FBXL7: variants seen among roughly 807,000 people sequenced by gnomAD.
The protein encoded by FBXL7 is F-box/LRR-repeat protein 7.
Under a neutral mutation model 38.3 loss-of-function variants are expected in FBXL7, and 12 were observed. That is an observed-to-expected ratio of 0.31 (90% CI 0.20 to 0.51). The LOEUF (loss-of-function observed/expected upper bound fraction) is 0.51. Ranked by LOEUF, FBXL7 falls within the 20% of genes least tolerant of loss-of-function variation. The pLI is 0.98. For synonymous variants in FBXL7, 297 were observed against 300.9 expected (o/e 0.99, Z 0.13); for missense variants, 567 against 676.4 (o/e 0.84, Z 1.79).
intron 2 of FBXL7, among the ~76,000 whole-genome samples, chr5:15,722,576 CCTG>C (rs1221927400): frequency 1.3e-5 from 2 of 152,182 alleles, no homozygotes; most frequent in African/African-American, 4.8e-5. Context: ...CGGCTCATTT[CCTG>C]CTCATATGCA....
chr5:15,528,494 C>T (rs1178387112), intron 1 of FBXL7, among the ~76,000 whole-genome samples: 1 of 152,146 alleles, frequency 6.6e-6, no homozygotes, highest in Non-Finnish European at 1.5e-5. Flanking sequence ...CTGAGGTGGC[C>T]TCACAATCAT....
intron 2 of FBXL7, among the ~76,000 whole-genome samples, chr5:15,882,848 T>C (rs1280131775): frequency 6.6e-6 from 1 of 152,196 alleles, no homozygotes; most frequent in Non-Finnish European, 1.5e-5. Flanking sequence ...ATAGTTCTTT[T>C]AAGGCCTAAT....
chr5:15,912,844 G>T (rs1001011747), intron 2 of FBXL7, among the ~76,000 whole-genome samples: 2 of 152,088 alleles, frequency 1.3e-5, no homozygotes, highest in Non-Finnish European at 2.9e-5. Context: ...GGGCTCTGGG[G>T]TCTTTAAAGA....
At position 15,593,338 on chromosome 5, in the gene FBXL7, A is replaced by G. The variant is rs567398572; in HGVS notation, c.38-22645A>G. ...CAGGAGTTCAAGACCTGCCTGGCCA[A>G]CATTGTGAGACTCCAGCTCTACTAA... On this transcript the variant is annotated intron_variant, in intron 1 of 3. Transcript: ENST00000504595. Among the ~76,000 whole-genome samples the G allele has an allele frequency of 3.8e-4, 58 of 152,128 alleles. 1 individual carries two copies. The highest frequency in any genetic ancestry group is 1.0e-3 in the South Asian group (5 of 4,830).
intron 2 of FBXL7, among the ~76,000 whole-genome samples, chr5:15,654,734 C>T (rs1400337037): frequency 6.6e-6 from 1 of 152,138 alleles, no homozygotes; most frequent in African/African-American, 2.4e-5. Flanking sequence ...TATTGTCCAA[C>T]ATTTTTGGTG....
At chr5:15,839,117 T>A (rs1305600823) in intron 2 of FBXL7, among the ~76,000 whole-genome samples, 1 of 151,778 alleles carries the variant, frequency 6.6e-6, no homozygotes, top group East Asian at 1.9e-4. Flanking sequence ...TTTGTAGGAA[T>A]CCTACTGTTA....
At chr5:15,726,898 T>G (rs1350577099) in intron 2 of FBXL7, among the ~76,000 whole-genome samples, 3 of 152,248 alleles carry the variant, frequency 2.0e-5, no homozygotes, top group Non-Finnish European at 4.4e-5. Flanking sequence ...GCTTTTTTTT[T>G]GTACTCCATT....
intron 1 of FBXL7, among the ~76,000 whole-genome samples, chr5:15,594,070 C>T (rs1338166604): frequency 6.6e-6 from 1 of 152,130 alleles, no homozygotes. Context: ...GTCCAGTGCT[C>T]ACAATATGTT....
chr5:15,676,756 A>G (rs1401484383), intron 2 of FBXL7, among the ~76,000 whole-genome samples: 1 of 152,170 alleles, frequency 6.6e-6, no homozygotes, highest in Non-Finnish European at 1.5e-5. Context: ...CAAGGAAAAC[A>G]CTTTCTTGAG....
intron 1 of FBXL7, among the ~76,000 whole-genome samples, chr5:15,531,924 G>A (rs1737443900): frequency 6.6e-6 from 1 of 152,102 alleles, no homozygotes; most frequent in African/African-American, 2.4e-5. Flanking sequence ...TGCTGGTTCA[G>A]GATTAAGAGT....
At chr5:15,684,638 A>G (rs58200321) in intron 2 of FBXL7, among the ~76,000 whole-genome samples, 8,868 of 152,268 alleles carry the variant, frequency 0.058, 285 homozygotes, top group East Asian at 0.09. Flanking sequence ...TGGTGTCCTT[A>G]TAAGAGCAAA....
intron 2 of FBXL7, among the ~76,000 whole-genome samples, chr5:15,898,001 G>A (rs981615743): frequency 6.6e-5 from 10 of 152,164 alleles, no homozygotes; most frequent in East Asian, 3.8e-4. Context: ...ATGCAAATGC[G>A]ATAGACTTAG....
intron 3 of FBXL7, among the ~76,000 whole-genome samples, chr5:15,931,321 A>G (rs1390155946): frequency 1.3e-5 from 2 of 152,216 alleles, no homozygotes; most frequent in African/African-American, 4.8e-5. Context: ...AAAATATAAA[A>G]TGTGGTAAAT....
At chr5:15,597,928 A>G (rs1739672414) in intron 1 of FBXL7, among the ~76,000 whole-genome samples, 1 of 152,234 alleles carries the variant, frequency 6.6e-6, no homozygotes, top group Non-Finnish European at 1.5e-5. Flanking sequence ...TGTTATATTC[A>G]AGAACTATTC....
At chr5:15,930,022 T>C (rs1192133564) in intron 3 of FBXL7, among the ~76,000 whole-genome samples, 1 of 152,158 alleles carries the variant, frequency 6.6e-6, no homozygotes, top group African/African-American at 2.4e-5. Flanking sequence ...AAAGCCGACG[T>C]CTGAAAATAT....
intron 2 of FBXL7, among the ~76,000 whole-genome samples, chr5:15,720,902 G>T (rs1209071576): frequency 6.6e-6 from 1 of 151,932 alleles, no homozygotes; most frequent in Non-Finnish European, 1.5e-5. Flanking sequence ...GTAACAATGG[G>T]TTAAGATAGA....
chr5:15,533,657 C>G (rs559826541), intron 1 of FBXL7, among the ~76,000 whole-genome samples: 36 of 152,266 alleles, frequency 2.4e-4, no homozygotes, highest in Non-Finnish European at 3.4e-4. Context: ...TTCCTGCGGG[C>G]TCTGCTTTTC....
At chr5:15,635,396 G>A (rs1741148063) in intron 2 of FBXL7, among the ~76,000 whole-genome samples, 1 of 152,164 alleles carries the variant, frequency 6.6e-6, no homozygotes, top group Non-Finnish European at 1.5e-5. Flanking sequence ...GAAAGTGGAA[G>A]CTGCTGGTTT....
At chr5:15,540,019 C>T (rs1200719715) in intron 1 of FBXL7, among the ~76,000 whole-genome samples, 4 of 151,580 alleles carry the variant, frequency 2.6e-5, no homozygotes, top group Non-Finnish European at 4.4e-5. Flanking sequence ...TAATTCTGCC[C>T]GATTTGACAG....
Sources: gnomAD v4.1 joint callset for allele counts (sites outside exome capture counted in the v4.1 genomes callset) on GRCh38, gnomAD v4.1.1 for gene constraint, MANE v1.5 for transcripts, NCBI Gene and HGNC (gene_info 2026-07-23, HGNC 2026-07-21) for gene names.